The following PRKCE variants were observed in gnomAD, a reference collection of about 807,000 sequenced individuals.
PRKCE encodes the protein protein kinase C epsilon.
Under a neutral mutation model 85.4 loss-of-function variants are expected in PRKCE, and 16 were observed. The ratio of observed to expected loss-of-function variants is 0.19; its 90% confidence interval spans 0.13 to 0.28. The LOEUF is 0.28. Among genes scored for constraint, PRKCE ranks in the 10% least tolerant of loss-of-function variants. The pLI, the probability that PRKCE is intolerant of heterozygous loss-of-function variation, is 1.00. For synonymous variants in PRKCE, 388 were observed against 371.5 expected, an observed-to-expected ratio of 1.04 and a Z score of -0.51; for missense variants, 573 against 975.2, an observed-to-expected ratio of 0.59 and a Z score of 5.49.
chr2:45,839,755 G>T (rs1238410750), intron 1 of PRKCE, among the ~76,000 whole-genome samples: 1 of 152,250 alleles, frequency 6.6e-6, no homozygotes, highest in Non-Finnish European at 1.5e-5. Flanking sequence ...GACCCCTCCA[G>T]TCGTTGAAGA....
chr2:45,829,294 A>G (rs1482957640), intron 1 of PRKCE, among the ~76,000 whole-genome samples: 1 of 152,186 alleles, frequency 6.6e-6, no homozygotes, highest in Non-Finnish European at 1.5e-5. Context: ...GGCAGCGTAT[A>G]ATAGTGTTTG....
intron 1 of PRKCE, among the ~76,000 whole-genome samples, chr2:45,802,988 C>A (rs1327592193): frequency 6.6e-6 from 1 of 152,184 alleles, no homozygotes; most frequent in African/African-American, 2.4e-5. Context: ...GAACAAGCAA[C>A]TTAGATTGGA....
chr2:45,703,138 G>A (rs966085258), intron 1 of PRKCE, among the ~76,000 whole-genome samples: 2 of 132,960 alleles, frequency 1.5e-5, no homozygotes, highest in Admixed American at 1.6e-4. Flanking sequence ...TTTTTTTTTT[G>A]TATTTCTGAT....
At chr2:45,899,068 C>T (rs551849428) in intron 2 of PRKCE, among the ~76,000 whole-genome samples, 35 of 152,332 alleles carry the variant, frequency 2.3e-4, no homozygotes, top group East Asian at 9.6e-4. Flanking sequence ...TAGGCCATAG[C>T]GCCTTCTCTT....
At chr2:45,744,887 G>A (rs935067742) in intron 1 of PRKCE, among the ~76,000 whole-genome samples, 4 of 152,178 alleles carry the variant, frequency 2.6e-5, no homozygotes, top group African/African-American at 9.7e-5. Flanking sequence ...GGGATTATAG[G>A]CGTGAGCCAC....
chr2:45,944,663 T>TTTTTC lies in PRKCE; in HGVS notation c.413-31762_413-31761insCTTTT, dbSNP rs1700116419. The stretch of plus-strand genomic sequence containing the variant: ...GCCACCATACCCGGCTAATTTTTTT[T>TTTTTC]TTTTTTTTTTTTTTTTTTTGTAGAG... On this transcript the variant is annotated intron_variant, in intron 2 of 14. Coordinates refer to ENST00000306156, the MANE Select transcript of PRKCE (RefSeq NM_005400.3). Among the ~76,000 whole-genome samples, 3 of 104,072 alleles carry TTTTTC rather than the reference T, an allele frequency of 2.9e-5. No individual in the cohort carries two copies. The South Asian group carries it at 1.0e-3, about 36-fold the overall frequency. 68.3% of individuals were successfully genotyped at this position (104,072 alleles called of 152,430 possible).
chr2:45,687,952 G>A (rs1262806901), intron 1 of PRKCE, among the ~76,000 whole-genome samples: 3 of 152,190 alleles, frequency 2.0e-5, no homozygotes. Flanking sequence ...TTTATTGTAT[G>A]GGGTCCTCAG....
intron 10 of PRKCE, chr2:46,078,662 T>C (rs1020595321): frequency 3.3e-5 from 5 of 152,232 alleles, no homozygotes; most frequent in African/African-American, 1.2e-4. Context: ...TGACAGTTTT[T>C]TTACTGAGCT....
chr2:46,044,965 A>G (rs1431765984), intron 10 of PRKCE, among the ~76,000 whole-genome samples: 1 of 152,222 alleles, frequency 6.6e-6, no homozygotes, highest in African/African-American at 2.4e-5. Flanking sequence ...TATGTATAGT[A>G]TATGTTCTCA....
intron 1 of PRKCE, among the ~76,000 whole-genome samples, chr2:45,727,211 C>T (rs1278397108): frequency 6.6e-6 from 1 of 152,162 alleles, no homozygotes; most frequent in African/African-American, 2.4e-5. Flanking sequence ...TAGACAAGAA[C>T]AGCTTACCTA....
At chr2:46,166,412 A>T (rs1346281875) in intron 14 of PRKCE, among the ~76,000 whole-genome samples, 5 of 152,204 alleles carry the variant, frequency 3.3e-5, no homozygotes, top group Admixed American at 3.3e-4. Context: ...GCGGCTTACC[A>T]TCCAAGAGGC....
intron 11 of PRKCE, among the ~76,000 whole-genome samples, chr2:46,135,950 A>G (rs2104435698): frequency 6.6e-6 from 1 of 151,660 alleles, no homozygotes; most frequent in East Asian, 1.9e-4. Flanking sequence ...TCTTTCTCTC[A>G]AGTGTATTGT....
At chr2:45,825,474 C>A (rs1689868697) in intron 1 of PRKCE, among the ~76,000 whole-genome samples, 1 of 152,234 alleles carries the variant, frequency 6.6e-6, no homozygotes, top group South Asian at 2.1e-4. Flanking sequence ...CAACTTGAAA[C>A]ATTAGTTCAG....
chr2:45,745,553 T>C (rs1438776003), intron 1 of PRKCE, among the ~76,000 whole-genome samples: 1 of 152,206 alleles, frequency 6.6e-6, no homozygotes, highest in Non-Finnish European at 1.5e-5. Context: ...GAGGTTTTGC[T>C]TCTCTGTGTT....
intron 2 of PRKCE, among the ~76,000 whole-genome samples, chr2:45,866,941 C>G (rs1346480161): frequency 6.6e-6 from 1 of 152,130 alleles, no homozygotes; most frequent in Non-Finnish European, 1.5e-5. Flanking sequence ...CCTTTATTGT[C>G]TACCTTCATA....
chr2:45,888,465 C>CTTTTTTTTTTTTTT (rs34871432), intron 2 of PRKCE, among the ~76,000 whole-genome samples: 3 of 74,752 alleles, frequency 4.0e-5, no homozygotes, highest in African/African-American at 5.3e-5. Flanking sequence ...TCCCAACAGT[C>CTTTTTTTTTTTTTT]TTTTTTTTTT....
chr2:45,744,026 A>C lies in PRKCE; in HGVS notation c.348+91578A>C, dbSNP rs142313286. Among the ~76,000 whole-genome samples, 154 of 150,470 alleles carry C rather than the reference A, an allele frequency of 1.0e-3. 1 individual carries two copies. The highest frequency in any genetic ancestry group is 3.6e-3 in the African/African-American group (147 of 40,914). On this transcript the variant is annotated intron_variant, in intron 1 of 14. Transcript: ENST00000306156. ...TTTTTTTTTTCCAGATAATGCATCT[A>C]ATAAAAATGATGTATGGGAGAAAGG...
rs1268512327 is a variant in PRKCE at position 46,004,699 on chromosome 2, T to C, written c.1063+61T>C. 1 of 1,388,562 alleles carries C rather than the reference T, an allele frequency of 7.2e-7. No homozygotes were observed. Among genetic ancestry groups the C allele is most frequent in the Non-Finnish European group, 9.9e-7 (1 of 1,012,190 alleles). The allele number at this position is 1,388,562 out of a possible 1,614,324, so 86.0% of individuals were successfully genotyped here. A position where few individuals can be genotyped will look rare whatever the true frequency, so the allele number is the denominator to read the frequency against. ...TCTGCCATTGGATGGACCAAGGAGC[T>C]CTGAGGCCTCTTTAACCAAGAGTGA... On this transcript the variant is annotated intron_variant, in intron 8 of 14. Coordinates refer to ENST00000306156, the MANE Select transcript of PRKCE (RefSeq NM_005400.3). This position sits in a 1 kb window ranked among gnomAD's most constrained non-coding sequence, Gnocchi z 4.1.
intron 2 of PRKCE, among the ~76,000 whole-genome samples, chr2:45,941,085 AAAGAT>A (rs1054994436): frequency 6.6e-6 from 1 of 150,808 alleles, no homozygotes; most frequent in African/African-American, 2.4e-5. Flanking sequence ...AAAAAAAAAA[AAAGAT>A]GATAGGCACC....
Sources: allele counts gnomAD v4.1 joint callset (sites outside exome capture counted in the v4.1 genomes callset), GRCh38; gene constraint gnomAD v4.1.1; non-coding constraint Gnocchi (gnomAD v3.1); transcripts MANE v1.5; gene names NCBI Gene and HGNC (gene_info 2026-07-23, HGNC 2026-07-21).